Variants in ADCY7 observed in about 807,000 individuals in gnomAD.
ADCY7 encodes adenylate cyclase type 7.
In ADCY7, 72 loss-of-function variants were observed where a neutral mutation model predicts 120.6. The ratio of observed to expected loss-of-function variants is 0.60; its 90% CI spans 0.49 to 0.73. ADCY7 has a LOEUF of 0.73. ADCY7 is among the 30% of genes least tolerant of loss of function. The pLI, the probability that ADCY7 is intolerant of heterozygous loss-of-function variation, is 0.00. For synonymous variants in ADCY7, 661 were observed against 628.0 expected, an observed-to-expected ratio of 1.05 and a Z score of -0.78; for missense variants, 1,227 against 1,486.0, an observed-to-expected ratio of 0.83 and a Z score of 2.87.
At chr16:50,271,293 G>A (rs1392202546) in intron 1 of ADCY7, among the ~76,000 whole-genome samples, 7 of 152,158 alleles carry the variant, frequency 4.6e-5, no homozygotes, top group Admixed American at 4.6e-4. Flanking sequence ...CCAGGCTGGG[G>A]TACAGTGGCC....
Position 50,312,921 on chromosome 16 carries a change from G to A in ADCY7, c.2636G>A (p.Cys879Tyr). ...DWYHQSYDCV[C>Y]VMFASVPDFK... The stretch of plus-strand genomic sequence containing the variant: ...TACCATCAGTCCTATGACTGCGTCT[G>A]TGTCATGTTTGCCTCCGTGCCGGAC... Residue 879 changes from cysteine (C) to tyrosine (Y), a missense_variant, in exon 22 of 26, where the codon TGT becomes TAT. Around this residue, in one of 5 missense-constraint regions of ADCY7, gnomAD observed 244 missense variants for 332.8 expected, o/e 0.73. Transcript: ENST00000673801. 1 of 1,614,212 alleles carries A rather than the reference G, an allele frequency of 6.2e-7. No homozygotes were observed. The highest frequency in any genetic ancestry group is 8.5e-7 in the Non-Finnish European group (1 of 1,180,034).
chr16:50,291,783 C>T lies in ADCY7; in HGVS notation c.423C>T (p.Pro141=), dbSNP rs778775815. 1.2e-6 allele frequency: 2 copies of T among 1,614,144 alleles called. No homozygotes were observed. The highest frequency in any genetic ancestry group is 1.7e-5 in the Admixed American group (1 of 60,022). ...TCTTCGTGGTGTACACACTACTGCC[C>T]TTCAGCATGCGGGGCGCTGTCGCCG... The part of the protein sequence containing the change: ...FIVFVVYTLL[P]FSMRGAVAVG... The change falls in exon 4 of 26, where the codon CCC becomes CCT. Residue 141 remains proline (P), a synonymous_variant. Coordinates refer to ENST00000673801, the MANE Select transcript of ADCY7 (RefSeq NM_001114.5).
At chr16:50,310,454 C>A in intron 18 of ADCY7, 1 of 1,536,046 alleles carries the variant, frequency 6.5e-7, no homozygotes, top group Non-Finnish European at 8.7e-7. Context: ...GTATCCACAG[C>A]ACCTGCATAC....
At position 50,291,536 on chromosome 16, in the gene ADCY7, C is replaced by T. The variant is rs575958692; in HGVS notation, c.376-200C>T. Among the ~76,000 whole-genome samples, 4 of 152,326 alleles carry T rather than the reference C, an allele frequency of 2.6e-5. No homozygotes were observed. The South Asian group carries it at 8.3e-4, about 32-fold the overall frequency. ...ACAGGCAGTGGATCAGCACAGGAAA[C>T]CATGAACCTTGTGGCCGGGCCCACC... On this transcript the variant is annotated intron_variant, in intron 3 of 25. Transcript: ENST00000673801.
rs974758428 is a variant in ADCY7 at position 50,311,622 on chromosome 16, C to G, written c.2355-71C>G. 1.7e-5 allele frequency: 19 copies of G among 1,108,980 alleles called. No individual in the cohort carries two copies. In the Admixed American group the frequency reaches 2.9e-4, roughly 17 times the overall value. 68.7% of individuals were successfully genotyped at this position (1,108,980 alleles called of 1,614,324 possible). On this transcript the variant is annotated intron_variant, in intron 19 of 25. Coordinates refer to ENST00000673801, the MANE Select transcript of ADCY7 (RefSeq NM_001114.5). ...CCCTTTCCCCTGGGTGTGCGTGGCA[C>G]CTGGAGAGCATGACTCAGTGGGTTG...
intron 18 of ADCY7, chr16:50,310,412 C>A (rs192232244): frequency 1.8e-4 from 269 of 1,519,308 alleles, no homozygotes; most frequent in Non-Finnish European, 2.3e-4. Context: ...GATGCATGCA[C>A]GCTCCGGCCT....
intron 7 of ADCY7, among the ~76,000 whole-genome samples, chr16:50,298,601 C>T (rs1284833164): frequency 3.3e-5 from 5 of 152,210 alleles, no homozygotes; most frequent in Non-Finnish European, 7.3e-5. Flanking sequence ...GGCCTGGGGC[C>T]GGGTACTCAG....
chr16:50,258,206 A>G (rs113382238), intron 1 of ADCY7, among the ~76,000 whole-genome samples: 20 of 152,174 alleles, frequency 1.3e-4, no homozygotes, highest in Non-Finnish European at 2.6e-4. Context: ...ACTGCACTCC[A>G]GCCTGGGTGA....
intron 1 of ADCY7, among the ~76,000 whole-genome samples, chr16:50,271,627 G>A (rs188408512): frequency 2.6e-5 from 4 of 152,182 alleles, no homozygotes; most frequent in African/African-American, 7.2e-5. Context: ...CCCCACTCCC[G>A]CCACTTGTCA....
intron 1 of ADCY7, among the ~76,000 whole-genome samples, chr16:50,252,123 C>T (rs754903488): frequency 1.3e-5 from 2 of 152,100 alleles, no homozygotes; most frequent in Admixed American, 6.5e-5. Context: ...GAGGAGCCCC[C>T]GGGCTGCTGT....
chr16:50,257,408 C>T (rs1191329812), intron 1 of ADCY7, among the ~76,000 whole-genome samples: 3 of 152,092 alleles, frequency 2.0e-5, no homozygotes, highest in African/African-American at 7.2e-5. Flanking sequence ...TATTGCACAG[C>T]ATGGTGACTA....
intron 1 of ADCY7, among the ~76,000 whole-genome samples, chr16:50,260,854 T>C (rs2033039982): frequency 6.6e-6 from 1 of 152,170 alleles, no homozygotes. Flanking sequence ...AAAGGAAAGC[T>C]GAGTGGAAGC....
chr16:50,290,665 C>T lies in ADCY7; in HGVS notation c.375+5C>T. 6.2e-7 allele frequency: 1 copy of T among 1,610,508 alleles called. No homozygotes were observed. On this transcript the variant is annotated splice_donor_5th_base_variant and intron_variant, in intron 3 of 25. Transcript: ENST00000673801. ...GCGGCCTGTGCGTGGGAGCAGGTAA[C>T]AGGAACTCTGGACTCCCTGCCAGCT...
chr16:50,285,120 T>C (rs1189130733), intron 1 of ADCY7, among the ~76,000 whole-genome samples: 2 of 152,204 alleles, frequency 1.3e-5, no homozygotes, highest in Non-Finnish European at 2.9e-5. Context: ...GCTGCAAATA[T>C]TGAAAAATTT....
In ADCY7 at chr16:50,290,458, A is replaced by G. The variant is rs377140639; in HGVS notation, c.173A>G (p.Asp58Gly). Reference protein sequence around the residue: ...ALIIIAFSQGDPSRHQAILGM... With the variant: ...ALIIIAFSQGGPSRHQAILGM... The stretch of plus-strand genomic sequence containing the variant: ...TTCCTGTCTGTTTGCTCCACCCAGG[A>G]CCCCTCCAGACACCAGGCCATTCTG... Residue 58 changes from aspartate (D) to glycine (G), a missense_variant and splice_region_variant, in exon 3 of 26, where the codon GAC (aspartate) becomes GGC (glycine). Around this residue, in one of 5 missense-constraint regions of ADCY7, gnomAD observed 382 missense variants for 411.4 expected, o/e 0.93. Coordinates refer to ENST00000673801, the MANE Select transcript of ADCY7 (RefSeq NM_001114.5). 107 of 1,613,776 alleles carry G rather than the reference A, an allele frequency of 6.6e-5. 1 individual carries two copies. The highest frequency in any genetic ancestry group is 8.5e-5 in the Non-Finnish European group (100 of 1,179,978).
rs76017847 is a variant in ADCY7, at chr16:50,289,144, C to T, written c.171+794C>T. ...ACCCATGCAGACATCATTAATCAAT[C>T]CCTACATTCCACACTGAGCCTGTCT... On this transcript the variant is annotated intron_variant, in intron 2 of 25. Coordinates refer to ENST00000673801, the MANE Select transcript of ADCY7 (RefSeq NM_001114.5). 4.5e-3 allele frequency: 1,323 copies of T among 294,768 alleles called. 17 individuals carry two copies. Among genetic ancestry groups the T allele is most frequent in the African/African-American group, 0.028 (1,203 of 43,400 alleles). 18.3% of individuals were successfully genotyped at this position (294,768 alleles called of 1,614,324 possible). A position where few individuals can be genotyped will look rare whatever the true frequency, so the allele number is the denominator to read the frequency against.
upstream of ADCY7, among the ~76,000 whole-genome samples, chr16:50,266,057 G>A (rs1412913448): frequency 6.6e-6 from 1 of 152,230 alleles, no homozygotes; most frequent in African/African-American, 2.4e-5. Context: ...GAGCGTAGGT[G>A]AGATGGAGAG....
At chr16:50,289,111 CT>C (rs1310063267) in intron 2 of ADCY7, 4 of 251,448 alleles carry the variant, frequency 1.6e-5, no homozygotes, top group Non-Finnish European at 2.4e-5. Flanking sequence ...ACTGCCCTCA[CT>C]TCCTGTACCC....
At chr16:50,270,620 G>A (rs1164904256) in intron 1 of ADCY7, among the ~76,000 whole-genome samples, 2 of 152,226 alleles carry the variant, frequency 1.3e-5, no homozygotes, top group African/African-American at 4.8e-5. Flanking sequence ...GCCTTGTCCT[G>A]CCTTGGGTGG....
Sources: allele counts gnomAD v4.1 joint callset (sites outside exome capture counted in the v4.1 genomes callset), GRCh38; gene constraint gnomAD v4.1.1; regional missense constraint gnomAD v4.1.1; transcripts MANE v1.5; gene names NCBI Gene and HGNC (gene_info 2026-07-23, HGNC 2026-07-21).